The following CADM2 variants were observed in gnomAD, a reference collection of about 807,000 sequenced individuals.
CADM2 encodes immunoglobulin superfamily member 4D.
In CADM2, 12 loss-of-function variants were observed where a neutral mutation model predicts 49.8. That is an observed-to-expected ratio of 0.24 (90% CI 0.15 to 0.39). The LOEUF (loss-of-function observed/expected upper bound fraction) is 0.39, where lower values mean the gene tolerates loss of function less well. CADM2 is among the 10% of genes least tolerant of loss of function. CADM2 has a pLI of 1.00. For synonymous variants in CADM2, 214 were observed against 175.4 expected (o/e 1.22, Z -1.74); for missense variants, 378 against 492.3 (o/e 0.77, Z 2.20).
At chr3:85,079,491 C>T (rs1291951588) in intron 1 of CADM2, among the ~76,000 whole-genome samples, 2 of 151,556 alleles carry the variant, frequency 1.3e-5, no homozygotes, top group Non-Finnish European at 3.0e-5. Context: ...GGGTTATTAA[C>T]AAGAAATACT....
intron 2 of CADM2, among the ~76,000 whole-genome samples, chr3:85,765,848 G>A (rs2069630265): frequency 6.6e-6 from 1 of 151,792 alleles, no homozygotes; most frequent in Non-Finnish European, 1.5e-5. Context: ...TTTTTGTTTT[G>A]TTTACTCATC....
intron 1 of CADM2, among the ~76,000 whole-genome samples, chr3:84,971,484 G>A (rs1187549118): frequency 6.6e-6 from 1 of 152,038 alleles, no homozygotes; most frequent in African/African-American, 2.4e-5. Flanking sequence ...TTACCATTTA[G>A]TAACTCCATT....
At chr3:84,959,911 A>G (rs890139713) in intron 1 of CADM2, among the ~76,000 whole-genome samples, 4 of 151,654 alleles carry the variant, frequency 2.6e-5, no homozygotes, top group Non-Finnish European at 5.9e-5. Flanking sequence ...TTGCCTTCTC[A>G]TTCACCTGAG....
intron 1 of CADM2, among the ~76,000 whole-genome samples, chr3:85,201,472 A>G (rs2041497940): frequency 6.6e-6 from 1 of 152,186 alleles, no homozygotes; most frequent in African/African-American, 2.4e-5. Context: ...TTGCTGACTG[A>G]TTAGGATGGT....
chr3:85,917,701 G>A (rs1718545307), intron 6 of CADM2, among the ~76,000 whole-genome samples: 1 of 152,168 alleles, frequency 6.6e-6, no homozygotes, highest in Non-Finnish European at 1.5e-5. Context: ...CCAATTCTGT[G>A]AAGAAAGTCA....
intron 3 of CADM2, among the ~76,000 whole-genome samples, chr3:85,881,891 G>A (rs1421148847): frequency 2.0e-5 from 3 of 152,018 alleles, no homozygotes; most frequent in African/African-American, 7.2e-5. Flanking sequence ...TTCTCATAAG[G>A]GGCACGCAAC....
chr3:85,125,213 A>C (rs185409637), intron 1 of CADM2, among the ~76,000 whole-genome samples: 1 of 152,276 alleles, frequency 6.6e-6, no homozygotes, highest in Non-Finnish European at 1.5e-5. Flanking sequence ...TCAGGACATC[A>C]TTTAGGAGGA....
chr3:85,337,063 T>C (rs2107177065), intron 1 of CADM2, among the ~76,000 whole-genome samples: 1 of 143,628 alleles, frequency 7.0e-6, no homozygotes, highest in East Asian at 2.0e-4. Flanking sequence ...ATATATTTCA[T>C]TATCAAAGTT....
chr3:85,927,684 C>A (rs1720049500), intron 6 of CADM2, among the ~76,000 whole-genome samples: 1 of 152,138 alleles, frequency 6.6e-6, no homozygotes, highest in African/African-American at 2.4e-5. Context: ...TCTTCACTCA[C>A]TACATTATGC....
chr3:85,935,293 C>T (rs973737584), intron 6 of CADM2, among the ~76,000 whole-genome samples: 8 of 152,094 alleles, frequency 5.3e-5, no homozygotes, highest in Non-Finnish European at 1.2e-4. Context: ...TGAAAAGATT[C>T]TGCATAATAC....
chr3:85,500,460 T>G (rs941812596), intron 1 of CADM2, among the ~76,000 whole-genome samples: 1 of 152,138 alleles, frequency 6.6e-6, no homozygotes, highest in Non-Finnish European at 1.5e-5. Context: ...TGTCTTATAA[T>G]TGATGGCTTA....
intron 3 of CADM2, among the ~76,000 whole-genome samples, chr3:85,838,182 A>G (rs1220293372): frequency 6.6e-6 from 1 of 151,856 alleles, no homozygotes; most frequent in Non-Finnish European, 1.5e-5. Context: ...GATCACATTA[A>G]ATCACTTGCA....
At chr3:85,387,141 G>A (rs899635679) in intron 1 of CADM2, among the ~76,000 whole-genome samples, 10 of 152,058 alleles carry the variant, frequency 6.6e-5, no homozygotes, top group Admixed American at 1.3e-4. Flanking sequence ...GTTGAAAGTA[G>A]CAAAAAGGGA....
chr3:85,968,020 A>G (rs1016347588), intron 8 of CADM2, among the ~76,000 whole-genome samples: 2 of 151,588 alleles, frequency 1.3e-5, no homozygotes, highest in African/African-American at 2.4e-5. Flanking sequence ...GCATAGATGG[A>G]AAATATACAG....
chr3:85,612,406 A>G (rs2063702816), intron 1 of CADM2, among the ~76,000 whole-genome samples: 1 of 151,774 alleles, frequency 6.6e-6, no homozygotes, highest in South Asian at 2.1e-4. Flanking sequence ...AGGATTATAA[A>G]TTGTGTTTAA....
chr3:85,448,920 C>T (rs2037606134), intron 1 of CADM2, among the ~76,000 whole-genome samples: 2 of 151,428 alleles, frequency 1.3e-5, no homozygotes, highest in African/African-American at 4.9e-5. Flanking sequence ...GATGGTGGTG[C>T]GCGCCTGTAA....
chr3:85,297,412 G>T (rs1390685010), intron 1 of CADM2, among the ~76,000 whole-genome samples: 2 of 152,020 alleles, frequency 1.3e-5, no homozygotes, highest in African/African-American at 4.8e-5. Context: ...AAAACAACAG[G>T]AGTTTCCAGG....
At chr3:85,697,099 C>CAT (rs750857883) in intron 1 of CADM2, among the ~76,000 whole-genome samples, 13 of 129,078 alleles carry the variant, frequency 1.0e-4, no homozygotes, top group South Asian at 4.8e-4. Flanking sequence ...ATATATATGC[C>CAT]ATATATATAT....
intron 1 of CADM2, among the ~76,000 whole-genome samples, chr3:85,164,990 C>T (rs1049551773): frequency 2.0e-5 from 3 of 150,892 alleles, no homozygotes; most frequent in Non-Finnish European, 4.4e-5. Flanking sequence ...GTGTGTTTCA[C>T]GTTGGTCAGG....
Sources: allele counts gnomAD v4.1 joint callset (sites outside exome capture counted in the v4.1 genomes callset), GRCh38; gene constraint gnomAD v4.1.1; transcripts MANE v1.5; gene names NCBI Gene and HGNC (gene_info 2026-07-23, HGNC 2026-07-21).